ZDHHC15: variants seen among roughly 807,000 people sequenced by gnomAD.
ZDHHC15 encodes the protein zDHHC palmitoyltransferase 15.
ZDHHC15 carries 19 observed loss-of-function variants against 31.7 expected under a neutral mutation model. That is an observed-to-expected ratio of 0.60 (90% CI 0.42 to 0.88). The LOEUF (loss-of-function observed/expected upper bound fraction) is 0.88, where lower values mean the gene tolerates loss of function less well. ZDHHC15 is among the 40% of genes least tolerant of loss of function. ZDHHC15 has a pLI of 0.00. For missense variants in ZDHHC15, 209 were observed against 251.2 expected (o/e 0.83, Z 1.14); for synonymous variants, 103 against 90.0 (o/e 1.14, Z -0.82).
chrX:75,481,869 G>T (rs761807737), intron 2 of ZDHHC15, among the ~76,000 whole-genome samples: 1 of 112,169 alleles, frequency 8.9e-6, no homozygotes, highest in Non-Finnish European at 1.9e-5. Context: ...GGGGAGGTTT[G>T]TCAGCCAGAC....
At chrX:75,494,318 T>C (rs1233003164) in intron 2 of ZDHHC15, among the ~76,000 whole-genome samples, 1 of 111,736 alleles carries the variant, frequency 8.9e-6, no homozygotes, top group Non-Finnish European at 1.9e-5. Flanking sequence ...TCCATGCTCA[T>C]GGGTACGAAG....
At chrX:75,392,762 T>C (rs1162905713) in intron 10 of ZDHHC15, among the ~76,000 whole-genome samples, 2 of 111,919 alleles carry the variant, frequency 1.8e-5, no homozygotes, top group African/African-American at 6.5e-5. Flanking sequence ...TTAGTACAAG[T>C]GTATATAGGC....
At chrX:75,490,386 G>A (rs1312230748) in intron 2 of ZDHHC15, among the ~76,000 whole-genome samples, 1 of 111,968 alleles carries the variant, frequency 8.9e-6, no homozygotes, top group Non-Finnish European at 1.9e-5. Context: ...ACTAACAGAT[G>A]ATCTCTCAGC....
chrX:75,494,986 G>A (rs1409626032), intron 2 of ZDHHC15, among the ~76,000 whole-genome samples: 1 of 111,758 alleles, frequency 8.9e-6, no homozygotes, highest in African/African-American at 3.3e-5. Context: ...TACCATCAGA[G>A]TGAACAGGCA....
At chrX:75,446,574 G>T (rs774369050) in intron 4 of ZDHHC15, among the ~76,000 whole-genome samples, 3 of 112,206 alleles carry the variant, frequency 2.7e-5, no homozygotes, top group Non-Finnish European at 3.8e-5. Context: ...CTCACTCATG[G>T]TTGATCACAT....
chrX:75,510,423 G>C (rs1013816409), intron 1 of ZDHHC15, among the ~76,000 whole-genome samples: 3 of 106,040 alleles, frequency 2.8e-5, no homozygotes, highest in Non-Finnish European at 3.9e-5. Flanking sequence ...CTATAGGCTT[G>C]AATGGATACT....
At chrX:75,434,173 C>T (rs1019070952) in intron 4 of ZDHHC15, among the ~76,000 whole-genome samples, 1 of 111,567 alleles carries the variant, frequency 9.0e-6, no homozygotes, top group Non-Finnish European at 1.9e-5. Context: ...CCTTAGCCCA[C>T]TTTTTGATGG....
Position 75,450,785 on chromosome X carries a change from C to T in ZDHHC15, c.379+17G>A. 1 of 1,210,465 alleles carries T rather than the reference C, an allele frequency of 8.3e-7. No homozygotes were observed. Among genetic ancestry groups the T allele is most frequent in the Non-Finnish European group, 1.1e-6 (1 of 894,683 alleles). ...ACTTGCTGAGCTGCCTCTCTAGCTG[C>T]CTTTGGATGAACTGACCTCCACTTC... is the stretch of plus-strand genomic sequence containing the variant. On this transcript the variant is annotated intron_variant, in intron 4 of 11. Coordinates refer to ENST00000373367, the MANE Select transcript of ZDHHC15 (RefSeq NM_144969.3).
chrX:75,418,430 G>C (rs771494169), intron 9 of ZDHHC15, among the ~76,000 whole-genome samples: 1 of 112,059 alleles, frequency 8.9e-6, no homozygotes, highest in African/African-American at 3.2e-5. Context: ...TCTAGAACTA[G>C]TTTAGTTGAT....
At chrX:75,494,695 T>G in intron 2 of ZDHHC15, among the ~76,000 whole-genome samples, 1 of 112,301 alleles carries the variant, frequency 8.9e-6, no homozygotes, top group Non-Finnish European at 1.9e-5. Flanking sequence ...AGATTCCCTA[T>G]TTAATAAATG....
At chrX:75,413,535 C>T (rs1167618870) in intron 10 of ZDHHC15, among the ~76,000 whole-genome samples, 2 of 110,830 alleles carry the variant, frequency 1.8e-5, no homozygotes, top group African/African-American at 3.3e-5. Context: ...CATGGTGGCG[C>T]ATGCCTATAG....
At chrX:75,419,447 C>A (rs1423442789) in intron 9 of ZDHHC15, among the ~76,000 whole-genome samples, 1 of 110,992 alleles carries the variant, frequency 9.0e-6, no homozygotes, top group South Asian at 3.9e-4. Context: ...AGTCAGGAAA[C>A]AACAGATGCT....
At chrX:75,396,513 A>C (rs1349869717) in intron 10 of ZDHHC15, among the ~76,000 whole-genome samples, 4 of 112,134 alleles carry the variant, frequency 3.6e-5, no homozygotes, top group Non-Finnish European at 7.5e-5. Flanking sequence ...ATGTGGAGAA[A>C]AGAGAACCCT....
chrX:75,380,296 T>C (rs2083100650), intron 10 of ZDHHC15, among the ~76,000 whole-genome samples: 2 of 112,298 alleles, frequency 1.8e-5, no homozygotes, highest in African/African-American at 6.5e-5. Flanking sequence ...GTTCTGAAAG[T>C]GCAATAAATT....
intron 10 of ZDHHC15, among the ~76,000 whole-genome samples, chrX:75,412,495 G>C (rs1196737277): frequency 2.7e-5 from 3 of 110,321 alleles, no homozygotes; most frequent in African/African-American, 9.9e-5. Context: ...GCAGTGGCGA[G>C]ATCTTGGCTT....
intron 2 of ZDHHC15, among the ~76,000 whole-genome samples, chrX:75,495,288 C>T (rs1160108702): frequency 9.0e-6 from 1 of 111,559 alleles, no homozygotes; most frequent in Non-Finnish European, 1.9e-5. Flanking sequence ...ACAACAGGTG[C>T]TGGAGAGGAT....
At chrX:75,497,410 G>A (rs920494727) in intron 2 of ZDHHC15, among the ~76,000 whole-genome samples, 2 of 111,637 alleles carry the variant, frequency 1.8e-5, no homozygotes, top group Non-Finnish European at 3.8e-5. Flanking sequence ...GACATTCGAA[G>A]AATAGGTACT....
At chrX:75,497,112 G>T (rs1332922003) in intron 2 of ZDHHC15, among the ~76,000 whole-genome samples, 1 of 111,700 alleles carries the variant, frequency 9.0e-6, no homozygotes, top group Non-Finnish European at 1.9e-5. Context: ...CATAAAAAGA[G>T]AGAAGTACAA....
At chrX:75,443,326 T>G (rs762045099) in intron 4 of ZDHHC15, among the ~76,000 whole-genome samples, 1 of 110,792 alleles carries the variant, frequency 9.0e-6, no homozygotes, top group South Asian at 3.9e-4. Flanking sequence ...CATCTACAAC[T>G]ATCTGATCTT....
Sources: allele counts gnomAD v4.1 joint callset (sites outside exome capture counted in the v4.1 genomes callset), GRCh38; gene constraint gnomAD v4.1.1; transcripts MANE v1.5; gene names NCBI Gene and HGNC (gene_info 2026-07-23, HGNC 2026-07-21).